Variants in BICRA observed in about 807,000 individuals in gnomAD.
BICRA encodes BRD4-interacting chromatin-remodeling complex-associated protein.
In BICRA, 31 loss-of-function variants were observed where a neutral mutation model predicts 96.9. That is an observed-to-expected ratio of 0.32 (90% CI 0.24 to 0.43). BICRA has a LOEUF of 0.43. Among genes scored for constraint, BICRA ranks in the 20% least tolerant of loss-of-function variants. The pLI is 1.00. For synonymous variants in BICRA, 1,350 were observed against 1,071.8 expected (o/e 1.26, Z -5.07); for missense variants, 2,283 against 2,190.3 (o/e 1.04, Z -0.84).
At chr19:47,667,585 A>G (rs1972801653) in intron 1 of BICRA, among the ~76,000 whole-genome samples, 1 of 152,124 alleles carries the variant, frequency 6.6e-6, no homozygotes, top group Non-Finnish European at 1.5e-5. Flanking sequence ...AGGCAGGAAC[A>G]GGGCACCCGC....
chr19:47,640,548 A>G (rs2123534433), intron 1 of BICRA, among the ~76,000 whole-genome samples: 1 of 151,886 alleles, frequency 6.6e-6, no homozygotes, highest in African/African-American at 2.4e-5. Flanking sequence ...AAAAAAAAAA[A>G]AATCCCTGCC....
intron 1 of BICRA, among the ~76,000 whole-genome samples, chr19:47,633,880 T>C (rs565219699): frequency 1.3e-5 from 2 of 152,322 alleles, no homozygotes; most frequent in African/African-American, 2.4e-5. Flanking sequence ...CTCAGAAATA[T>C]TAAGAATGGA....
At chr19:47,660,583 C>G (rs913209944) in intron 1 of BICRA, among the ~76,000 whole-genome samples, 3 of 152,196 alleles carry the variant, frequency 2.0e-5, no homozygotes, top group African/African-American at 7.2e-5. Flanking sequence ...AACACATCAC[C>G]TCATTTGTCT....
At position 47,698,584 on chromosome 19, in the gene BICRA, C is replaced by CCTACCCCCCCCCCCCCCCCCGGG; in HGVS notation, c.3249-50_3249-49insCTACCCCCCCCCCCCCCCCCGGG. The CCTACCCCCCCCCCCCCCCCCGGG allele has an allele frequency of 1.3e-6, 1 of 785,674 alleles. No homozygotes were observed. The highest frequency in any genetic ancestry group is 2.3e-6 in the Non-Finnish European group (1 of 442,436). The allele number at this position is 785,674 out of a possible 1,614,324, so 48.7% of individuals were successfully genotyped here. A position where few individuals can be genotyped will look rare whatever the true frequency, so the allele number is the denominator to read the frequency against. ...TCAGGGACTTCCCCTGGCCCTCACC[C>CCTACCCCCCCCCCCCCCCCCGGG]GTCCCCCCCACCCTCCGCCGTGTGT... is the stretch of plus-strand genomic sequence containing the variant. On this transcript the variant is annotated intron_variant, in intron 11 of 14. Transcript: ENST00000594866. The surrounding 1 kb of genome is among the most constrained non-coding windows in gnomAD (Gnocchi z 4.8).
Position 47,699,413 on chromosome 19 carries a change from G to T in BICRA, c.3595+8G>T, listed in dbSNP as rs532712234. 2.2e-5 allele frequency: 33 copies of T among 1,495,468 alleles called. No homozygotes were observed. The highest frequency in any genetic ancestry group is 6.9e-5 in the African/African-American group (5 of 72,050). The allele number at this position is 1,495,468 out of a possible 1,614,324, so 92.6% of individuals were successfully genotyped here. On this transcript the variant is annotated splice_region_variant and intron_variant, in intron 14 of 14. Coordinates refer to ENST00000594866, the MANE Select transcript of BICRA (RefSeq NM_001394372.1). This position sits in a 1 kb window ranked among gnomAD's most constrained non-coding sequence, Gnocchi z 5.0. ...TGGCCAAGGAGAAGCCGGGTGAGAGGGGGGAGTGAGAGGGGAGGGGAGGGA... is the reference window on the plus strand; with the variant it reads ...TGGCCAAGGAGAAGCCGGGTGAGAGTGGGGAGTGAGAGGGGAGGGGAGGGA...
At chr19:47,648,397 ATATT>A (rs1163372150) in intron 1 of BICRA, among the ~76,000 whole-genome samples, 2 of 151,886 alleles carry the variant, frequency 1.3e-5, no homozygotes, top group African/African-American at 4.8e-5. Flanking sequence ...CAGTCAGTCA[ATATT>A]TACACAAAGC....
At chr19:47,663,818 T>G (rs539638824) in intron 1 of BICRA, 3 of 136,114 alleles carry the variant, frequency 2.2e-5, no homozygotes, top group East Asian at 2.1e-4. Flanking sequence ...ACACACACAT[T>G]ATTGAAACCA....
chr19:47,658,609 G>A (rs1311782128), intron 1 of BICRA, among the ~76,000 whole-genome samples: 1 of 146,174 alleles, frequency 6.8e-6, no homozygotes. Context: ...TCCAGCCTGG[G>A]TGACAGAATG....
At chr19:47,661,258 C>G (rs1972700874) in intron 1 of BICRA, among the ~76,000 whole-genome samples, 1 of 148,658 alleles carries the variant, frequency 6.7e-6, no homozygotes, top group Non-Finnish European at 1.5e-5. Flanking sequence ...CATTCAGCAA[C>G]CTTGGCTGGG....
intron 7 of BICRA, among the ~76,000 whole-genome samples, chr19:47,684,849 T>C (rs1194096440): frequency 1.3e-5 from 2 of 152,210 alleles, no homozygotes; most frequent in Admixed American, 6.5e-5. Flanking sequence ...TGGAGCTCTC[T>C]GAGGCATGGA....
intron 1 of BICRA, among the ~76,000 whole-genome samples, chr19:47,621,461 T>G (rs1299516366): frequency 1.3e-5 from 2 of 151,864 alleles, no homozygotes; most frequent in African/African-American, 4.8e-5. Context: ...TTAAAATTTT[T>G]TAGTCTTTTT....
At chr19:47,689,009 G>C (rs1216592922) in intron 7 of BICRA, among the ~76,000 whole-genome samples, 1 of 151,790 alleles carries the variant, frequency 6.6e-6, no homozygotes, top group African/African-American at 2.4e-5. Context: ...TGTATTTTTA[G>C]AGAGACGAGG....
At chr19:47,665,611 C>T (rs1042868550) in intron 1 of BICRA, among the ~76,000 whole-genome samples, 5 of 152,040 alleles carry the variant, frequency 3.3e-5, no homozygotes, top group South Asian at 2.1e-4. Context: ...CTGGGATTAC[C>T]GGTGTGCAAC....
chr19:47,695,342 T>TCGGGGGCCCCCCCCCCCCC, intron 9 of BICRA, 23 bp from the exon 10 acceptor site: 2 of 630,154 alleles, frequency 3.2e-6, no homozygotes, highest in Non-Finnish European at 5.7e-6. Flanking sequence ...AGGCCCTGTC[T>TCGGGGGCCCCCCCCCCCCC]CCCCCACCCC....
intron 1 of BICRA, among the ~76,000 whole-genome samples, chr19:47,619,772 C>T (rs1208108420): frequency 2.0e-5 from 3 of 152,116 alleles, no homozygotes; most frequent in African/African-American, 7.2e-5. Flanking sequence ...TGTGGTGGCC[C>T]CTGCCTGGAT....
In BICRA at chr19:47,701,539, C is replaced by G; in HGVS notation, c.3807C>G (p.Ser1269=). Residue 1269 remains serine (S), a synonymous_variant, in exon 15 of 15, where the codon TCC becomes TCG. Transcript: ENST00000594866. The surrounding 1 kb of genome is among the most constrained non-coding windows in gnomAD (Gnocchi z 5.4). ...GGGCCCGGGCGTCCTCCTCCCTGTC[C>G]TCCTCTTCCTCCTCCTCCTCTGCCG... ...VTWARASSSL[S]SSSSSSSAAS... 1 of 1,549,286 alleles carries G rather than the reference C, an allele frequency of 6.5e-7. No homozygotes were observed. Among genetic ancestry groups the G allele is most frequent in the Non-Finnish European group, 8.7e-7 (1 of 1,147,068 alleles).
chr19:47,627,576 A>C (rs1972159350), intron 1 of BICRA, among the ~76,000 whole-genome samples: 1 of 152,116 alleles, frequency 6.6e-6, no homozygotes. Flanking sequence ...TTCTGCAGCA[A>C]ATATATCTGC....
At chr19:47,624,148 G>A (rs1297985292) in intron 1 of BICRA, among the ~76,000 whole-genome samples, 1 of 152,140 alleles carries the variant, frequency 6.6e-6, no homozygotes, top group Non-Finnish European at 1.5e-5. Context: ...AACATGCCCG[G>A]CAGATTGTGA....
In BICRA at chr19:47,699,504, A is replaced by G; in HGVS notation, c.3595+99A>G. The G allele has an allele frequency of 1.4e-6, 1 of 705,406 alleles. No homozygotes were observed. The highest frequency in any genetic ancestry group is 2.1e-5 in the Admixed American group (1 of 46,972). The allele number at this position is 705,406 out of a possible 1,614,324, so 43.7% of individuals were successfully genotyped here. A position where few individuals can be genotyped will look rare whatever the true frequency, so the allele number is the denominator to read the frequency against. ...GGGCGGGGAGTGGGTGTGTGGCCCT[A>G]CCTCACTCCACCACTAGGCGGTGCC... On this transcript the variant is annotated intron_variant, in intron 14 of 14. Coordinates refer to ENST00000594866, the MANE Select transcript of BICRA (RefSeq NM_001394372.1). The surrounding 1 kb of genome is among the most constrained non-coding windows in gnomAD (Gnocchi z 5.0).
Sources: gnomAD v4.1 joint callset for allele counts (sites outside exome capture counted in the v4.1 genomes callset) on GRCh38, gnomAD v4.1.1 for gene constraint, Gnocchi (gnomAD v3.1) non-coding constraint, MANE v1.5 for transcripts, NCBI Gene and HGNC (gene_info 2026-07-23, HGNC 2026-07-21) for gene names.